Variants in UBN2 observed in about 807,000 individuals in gnomAD.
The protein encoded by UBN2 is ubinuclein 2.
A neutral mutation model predicts 120.2 loss-of-function variants in UBN2; 35 were observed. The ratio of observed to expected loss-of-function variants is 0.29; its 90% confidence interval spans 0.22 to 0.39. The LOEUF (loss-of-function observed/expected upper bound fraction) is 0.39, where lower values mean the gene tolerates loss of function less well. UBN2 is among the 10% of genes least tolerant of loss of function. UBN2 has a pLI of 1.00. For missense variants in UBN2, 1,693 were observed against 1,663.2 expected (o/e 1.02, Z -0.31); for synonymous variants, 661 against 648.7 (o/e 1.02, Z -0.29).
Position 139,284,376 on chromosome 7 carries a change from T to G in UBN2, c.3471T>G (p.Thr1157=). ...TAACAAACTCATCATCCACTGGAAC[T>G]GTTGGGAAGAACAGCTTGAGTGGAA... ...SKLTNSSSTG[T]VGKNSLSGIA... The change falls in exon 15 of 18, where the codon ACT becomes ACG. Residue 1157 remains threonine, a synonymous_variant. Transcript: ENST00000473989. 6.2e-7 allele frequency: 1 copy of G among 1,614,194 alleles called. No homozygotes were observed. The highest frequency in any genetic ancestry group is 1.7e-5 in the Admixed American group (1 of 60,024).
chr7:139,326,083 C>A, the UBN2 span, among the ~76,000 whole-genome samples: 1 of 151,112 alleles, frequency 6.6e-6, no homozygotes, highest in Non-Finnish European at 1.5e-5. Flanking sequence ...TGGAGAAACC[C>A]CATCTCTACT....
chr7:139,323,676 A>G, the UBN2 span, among the ~76,000 whole-genome samples: 1 of 150,546 alleles, frequency 6.6e-6, no homozygotes, highest in Non-Finnish European at 1.5e-5. Flanking sequence ...TGCAACCTCC[A>G]CCTCCCGGGT....
downstream of UBN2, among the ~76,000 whole-genome samples, chr7:139,308,506 G>A (rs920061222): frequency 5.9e-5 from 9 of 152,266 alleles, no homozygotes; most frequent in African/African-American, 2.2e-4. Flanking sequence ...GGAAGAAACG[G>A]GACTGGAGTA....
intron 2 of UBN2, among the ~76,000 whole-genome samples, chr7:139,246,674 A>G (rs967501070): frequency 2.0e-5 from 3 of 152,228 alleles, no homozygotes; most frequent in Non-Finnish European, 4.4e-5. Context: ...GAACAATTGC[A>G]TCACCCCAGA....
chr7:139,324,032 CT>C, the UBN2 span, among the ~76,000 whole-genome samples: 1 of 152,064 alleles, frequency 6.6e-6, no homozygotes, highest in Non-Finnish European at 1.5e-5. Context: ...CTCTGAAGTA[CT>C]GTGTGGTAGC....
At chr7:139,251,244 C>A (rs1796617292) in intron 2 of UBN2, among the ~76,000 whole-genome samples, 1 of 152,084 alleles carries the variant, frequency 6.6e-6, no homozygotes, top group South Asian at 2.1e-4. Context: ...AAAGACAATA[C>A]AGAGAGTTCC....
At chr7:139,255,187 A>G (rs965733479) in intron 3 of UBN2, among the ~76,000 whole-genome samples, 3 of 152,326 alleles carry the variant, frequency 2.0e-5, no homozygotes, top group South Asian at 2.1e-4. Flanking sequence ...TGTCTTATAG[A>G]GAAAATCATA....
At chr7:139,313,305 C>A in the UBN2 span, among the ~76,000 whole-genome samples, 3 of 152,028 alleles carry the variant, frequency 2.0e-5, no homozygotes, top group Non-Finnish European at 2.9e-5. Flanking sequence ...TTTAAAACTT[C>A]TCTATGAAGG....
At chr7:139,258,336 C>A (rs1166505986) in intron 3 of UBN2, 152 bp from the exon 4 acceptor site, 7 of 537,424 alleles carry the variant, frequency 1.3e-5, no homozygotes, top group Non-Finnish European at 2.1e-5. Flanking sequence ...AGATAGTAAC[C>A]TTTTCTAAAT....
chr7:139,320,946 A>G, the UBN2 span, among the ~76,000 whole-genome samples: 3,874 of 152,244 alleles, frequency 0.025, 159 homozygotes, highest in African/African-American at 0.079. Context: ...TAAAAATTCT[A>G]TATTAGCTAT....
At chr7:139,281,071 A>G (rs1416237010) in intron 13 of UBN2, among the ~76,000 whole-genome samples, 1 of 152,176 alleles carries the variant, frequency 6.6e-6, no homozygotes, top group Non-Finnish European at 1.5e-5. Flanking sequence ...TAGAATACTA[A>G]AGTCTTAGTA....
Position 139,305,015 on chromosome 7 carries a change from A to G in UBN2, c.*7179A>G, listed in dbSNP as rs1355538188. ...AATGTGAACTCTGTATTCAAAAACTATCTACAGATGCTTTCACTGGTGCAA... is the reference window on the plus strand; with the variant it reads ...AATGTGAACTCTGTATTCAAAAACTGTCTACAGATGCTTTCACTGGTGCAA... On this transcript the variant is annotated 3_prime_UTR_variant, in exon 18 of 18. Transcript: ENST00000473989. 1 of 152,180 alleles carries G rather than the reference A, an allele frequency of 6.6e-6. No homozygotes were observed. The highest frequency in any genetic ancestry group is 1.5e-5 in the Non-Finnish European group (1 of 68,032). The allele number at this position is 152,180 out of a possible 1,614,324, so 9.4% of individuals were successfully genotyped here.
chr7:139,284,289 A>T lies in UBN2; in HGVS notation c.3384A>T (p.Leu1128Phe), dbSNP rs1194112423. The T allele has an allele frequency of 1.2e-6, 2 of 1,614,020 alleles. No homozygotes were observed. The highest frequency in any genetic ancestry group is 2.7e-5 in the African/African-American group (2 of 74,902). Residue 1128 changes from leucine (L) to phenylalanine (F), a missense_variant, in exon 15 of 18, where the codon TTA (leucine) becomes TTT (phenylalanine). Leu to Phe is a conservative substitution (Grantham distance 22, BLOSUM62 0). Around this residue, in one of 5 missense-constraint regions of UBN2, gnomAD observed 837 missense variants for 817.6 expected, o/e 1.02. Transcript: ENST00000473989. ...GCAGACAGTCTCCCACCTTGAATTT[A>T]TTGCCCTCTAGTCGCACTTCAGGCC... is the stretch of plus-strand genomic sequence containing the variant. Reference protein sequence around the residue: ...NISRQSPTLNLLPSSRTSGLP... With the variant: ...NISRQSPTLNFLPSSRTSGLP...
rs1419029076 is a variant in UBN2 at position 139,305,713 on chromosome 7, TAC to T, written c.*7879_*7880del. 2.0e-5 allele frequency: 3 copies of T among 152,208 alleles called. No individual in the cohort carries two copies. The highest frequency in any genetic ancestry group is 4.8e-5 in the African/African-American group (2 of 41,462). The allele number at this position is 152,208 out of a possible 1,614,324, so 9.4% of individuals were successfully genotyped here. ...TATTAGGGTCTCTGTGTCTAGGACTTACAGTCATCAGTGGTCATCACTGGGAC... is the reference window on the plus strand; with the variant it reads ...TATTAGGGTCTCTGTGTCTAGGACTTAGTCATCAGTGGTCATCACTGGGAC... On this transcript the variant is annotated 3_prime_UTR_variant, in exon 18 of 18. Transcript: ENST00000473989.
intron 15 of UBN2, among the ~76,000 whole-genome samples, chr7:139,287,620 A>C (rs1035871102): frequency 6.6e-6 from 1 of 151,748 alleles, no homozygotes; most frequent in African/African-American, 2.4e-5. Flanking sequence ...TCCTCTCCCA[A>C]ATGGCTTTAT....
intron 15 of UBN2, among the ~76,000 whole-genome samples, chr7:139,288,172 G>A (rs1797844552): frequency 6.6e-6 from 1 of 152,174 alleles, no homozygotes; most frequent in African/African-American, 2.4e-5. Context: ...AGGTGCTGGG[G>A]ATATAGGGAT....
At chr7:139,242,131 C>T (rs982416596) in intron 2 of UBN2, among the ~76,000 whole-genome samples, 1 of 152,102 alleles carries the variant, frequency 6.6e-6, no homozygotes, top group African/African-American at 2.4e-5. Context: ...GTAAATACTA[C>T]TCGGCTAAGT....
intron 15 of UBN2, among the ~76,000 whole-genome samples, chr7:139,289,472 G>A (rs1797886067): frequency 6.8e-6 from 1 of 147,276 alleles, no homozygotes; most frequent in South Asian, 2.1e-4. Context: ...GAGTGCAGTG[G>A]TGCAATCTTG....
intron 7 of UBN2, among the ~76,000 whole-genome samples, chr7:139,268,895 T>G (rs953476887): frequency 6.6e-6 from 1 of 152,220 alleles, no homozygotes; most frequent in African/African-American, 2.4e-5. Flanking sequence ...AGAATACTTT[T>G]ATAGCATTAC....
Sources: gnomAD v4.1 joint callset for allele counts (sites outside exome capture counted in the v4.1 genomes callset) on GRCh38, gnomAD v4.1.1 for gene constraint, gnomAD v4.1.1 regional missense constraint, MANE v1.5 for transcripts, NCBI Gene and HGNC (gene_info 2026-07-23, HGNC 2026-07-21) for gene names.